Variants in OR2L13 observed in about 807,000 individuals in gnomAD.
OR2L13 encodes the protein olfactory receptor family 2 subfamily L member 13.
OR2L13 carries 14 observed loss-of-function variants against 15.3 expected under a neutral mutation model. The ratio of observed to expected loss-of-function variants is 0.91; its 90% CI spans 0.60 to 1.43. The LOEUF is 1.43. Among genes scored for constraint, OR2L13 ranks in the 40% most tolerant of loss-of-function variants. OR2L13 has a pLI of 0.00. For missense variants in OR2L13, 367 were observed against 387.9 expected (o/e 0.95, Z 0.45); for synonymous variants, 152 against 142.9 (o/e 1.06, Z -0.45).
chr1:247,988,582 G>C, the OR2L13 span, among the ~76,000 whole-genome samples: 1 of 152,246 alleles, frequency 6.6e-6, no homozygotes, highest in South Asian at 2.1e-4. Context: ...GTATAGATGT[G>C]TGTTTGCACA....
At chr1:247,947,216 C>T in the OR2L13 span, among the ~76,000 whole-genome samples, 7 of 152,190 alleles carry the variant, frequency 4.6e-5, no homozygotes, top group Non-Finnish European at 7.3e-5. Flanking sequence ...CATAACAGAT[C>T]ATACATCTCT....
At chr1:248,035,218 A>C in the OR2L13 span, among the ~76,000 whole-genome samples, 1 of 152,190 alleles carries the variant, frequency 6.6e-6, no homozygotes, top group African/African-American at 2.4e-5. Context: ...TGGGAGGCCG[A>C]GATGGGCGGA....
At chr1:248,060,895 T>C in the OR2L13 span, 1 of 1,613,944 alleles carries the variant, frequency 6.2e-7, no homozygotes, top group South Asian at 1.1e-5. Context: ...TGACCTAAAT[T>C]ACATCTCCAC....
At chr1:248,047,616 A>G in the OR2L13 span, among the ~76,000 whole-genome samples, 34 of 152,286 alleles carry the variant, frequency 2.2e-4, no homozygotes, top group African/African-American at 7.5e-4. Flanking sequence ...AACTTTTACA[A>G]TGTATTTATT....
chr1:247,988,605 T>C, the OR2L13 span, among the ~76,000 whole-genome samples: 1 of 151,838 alleles, frequency 6.6e-6, no homozygotes, highest in Admixed American at 6.6e-5. Flanking sequence ...GTGTGGATCT[T>C]ACTCTTTCAC....
At chr1:247,956,786 A>G in the OR2L13 span, among the ~76,000 whole-genome samples, 1 of 152,174 alleles carries the variant, frequency 6.6e-6, no homozygotes. Context: ...ATTTTTGCAC[A>G]TTGATTTTGT....
chr1:248,071,703 G>A, the OR2L13 span, among the ~76,000 whole-genome samples: 116,941 of 149,610 alleles, frequency 0.78, 50,202 homozygotes, highest in South Asian at 0.95. Flanking sequence ...GTTTGCAGAC[G>A]AGATGATTGT....
chr1:247,980,020 T>C, the OR2L13 span, among the ~76,000 whole-genome samples: 1 of 152,088 alleles, frequency 6.6e-6, no homozygotes, highest in Non-Finnish European at 1.5e-5. Context: ...TAAATAAATA[T>C]TTCTTAAAAA....
chr1:248,087,012 G>A, the OR2L13 span, among the ~76,000 whole-genome samples: 3 of 151,648 alleles, frequency 2.0e-5, no homozygotes, highest in South Asian at 2.1e-4. Context: ...ACTGATTATC[G>A]TCCCCTTCCC....
chr1:248,022,284 C>T, the OR2L13 span: 5 of 1,614,150 alleles, frequency 3.1e-6, no homozygotes, highest in South Asian at 2.2e-5. Context: ...AGAAGCGCTG[C>T]TCCTGACATC....
At chr1:247,964,223 T>A in the OR2L13 span, among the ~76,000 whole-genome samples, 1 of 152,210 alleles carries the variant, frequency 6.6e-6, no homozygotes, top group Non-Finnish European at 1.5e-5. Flanking sequence ...TATTGACATA[T>A]AATATTTCAT....
At chr1:248,018,913 G>T in the OR2L13 span, among the ~76,000 whole-genome samples, 1 of 152,136 alleles carries the variant, frequency 6.6e-6, no homozygotes, top group Non-Finnish European at 1.5e-5. Flanking sequence ...TTGCCTCTTT[G>T]TGGCTTATTT....
At chr1:248,020,761 A>AT in the OR2L13 span, among the ~76,000 whole-genome samples, 3 of 152,000 alleles carry the variant, frequency 2.0e-5, no homozygotes, top group South Asian at 2.1e-4. Context: ...TGGAATTATT[A>AT]TTTTTTTATA....
the OR2L13 span, chr1:248,003,226 C>T: frequency 1.3e-6 from 2 of 1,538,276 alleles, no homozygotes; most frequent in Non-Finnish European, 1.8e-6. Flanking sequence ...TCATTGTTTT[C>T]ATTTTCCTAA....
chr1:248,018,689 C>T, the OR2L13 span, among the ~76,000 whole-genome samples: 4 of 152,156 alleles, frequency 2.6e-5, no homozygotes, highest in Admixed American at 1.3e-4. Flanking sequence ...TTTAAGTGTA[C>T]AGTTCTGTGG....
chr1:248,072,862 AAC>A, the OR2L13 span, among the ~76,000 whole-genome samples: 1 of 152,172 alleles, frequency 6.6e-6, no homozygotes, highest in Non-Finnish European at 1.5e-5. Context: ...GCAGCTAAAA[AAC>A]ACATGAAAAA....
the OR2L13 span, among the ~76,000 whole-genome samples, chr1:247,961,042 C>T: frequency 6.6e-6 from 1 of 152,174 alleles, no homozygotes; most frequent in Admixed American, 6.5e-5. Flanking sequence ...ACGCTGGGAG[C>T]TGTAGACTAG....
At chr1:247,965,368 G>T in the OR2L13 span, 4 of 1,603,088 alleles carry the variant, frequency 2.5e-6, no homozygotes, top group African/African-American at 1.3e-5. Context: ...TGATATTTTG[G>T]TTTCAGCCAT....
At chr1:248,039,336 AT>A in the OR2L13 span, 1 of 696,556 alleles carries the variant, frequency 1.4e-6, no homozygotes, top group Non-Finnish European at 2.2e-6. Context: ...TTGTCTTTTA[AT>A]TTAGTCTTGA....
Sources: allele counts gnomAD v4.1 joint callset (sites outside exome capture counted in the v4.1 genomes callset), GRCh38; gene constraint gnomAD v4.1.1; transcripts MANE v1.5; gene names NCBI Gene and HGNC (gene_info 2026-07-23, HGNC 2026-07-21).